PARN: variants seen among roughly 807,000 people sequenced by gnomAD.
The protein encoded by PARN is poly(A)-specific ribonuclease PARN.
In PARN, 71 loss-of-function variants were observed where a neutral mutation model predicts 102.8. The ratio of observed to expected loss-of-function variants is 0.69; its 90% confidence interval spans 0.57 to 0.84. PARN has a LOEUF of 0.84. Ranked by LOEUF, PARN falls within the 40% of genes least tolerant of loss-of-function variation. PARN has a pLI of 0.00. For synonymous variants in PARN, 261 were observed against 252.9 expected (o/e 1.03, Z -0.30); for missense variants, 782 against 760.9 (o/e 1.03, Z -0.33).
intron 6 of PARN, among the ~76,000 whole-genome samples, chr16:14,613,752 C>CA (rs970320868): frequency 6.6e-6 from 1 of 151,990 alleles, no homozygotes; most frequent in Admixed American, 6.6e-5. Context: ...AACTAACTGG[C>CA]AAAAAAAGTG....
chr16:14,471,642 T>C (rs542632563), intron 22 of PARN, among the ~76,000 whole-genome samples: 2 of 152,282 alleles, frequency 1.3e-5, no homozygotes, highest in East Asian at 1.9e-4. Flanking sequence ...CTGAATCACA[T>C]TAAACAACTC....
intron 5 of PARN, among the ~76,000 whole-genome samples, chr16:14,625,271 G>A (rs1314055160): frequency 1.3e-5 from 2 of 152,108 alleles, no homozygotes; most frequent in African/African-American, 4.8e-5. Context: ...GCCAAGCCGG[G>A]CAGATCACCT....
At chr16:14,451,833 A>T (rs1961459071) in intron 22 of PARN, among the ~76,000 whole-genome samples, 1 of 132,366 alleles carries the variant, frequency 7.6e-6, no homozygotes, top group Non-Finnish European at 1.6e-5. Context: ...ATGTGGAGAA[A>T]CCCCGTCTCT....
chr16:14,466,537 C>G (rs1025315459), intron 22 of PARN, among the ~76,000 whole-genome samples: 10 of 152,162 alleles, frequency 6.6e-5, no homozygotes, highest in Non-Finnish European at 7.3e-5. Context: ...GAGGATGGAC[C>G]AGATCACTTC....
chr16:14,611,427 T>C (rs1304573266), intron 6 of PARN, among the ~76,000 whole-genome samples: 1 of 152,188 alleles, frequency 6.6e-6, no homozygotes, highest in Non-Finnish European at 1.5e-5. Context: ...TTACCTTACC[T>C]GCATAATGTT....
intron 22 of PARN, among the ~76,000 whole-genome samples, chr16:14,461,547 G>A (rs1056918483): frequency 1.3e-5 from 2 of 152,240 alleles, no homozygotes; most frequent in East Asian, 1.9e-4. Context: ...TTGTGCTGGC[G>A]TTACTTCTTC....
At chr16:14,608,106 CA>C in intron 9 of PARN, 174 bp downstream of exon 9, 1 of 620,696 alleles carries the variant, frequency 1.6e-6, no homozygotes, top group Non-Finnish European at 2.9e-6. Flanking sequence ...TGTTAAAAAA[CA>C]ATAACAAAAG....
chr16:14,628,090 C>A (rs1297810987), intron 3 of PARN, 82 bp downstream of exon 3: 2 of 857,766 alleles, frequency 2.3e-6, no homozygotes, highest in African/African-American at 3.4e-5. Flanking sequence ...CCTTAATGCA[C>A]AAGTTTAGTA....
At chr16:14,549,522 T>C (rs941982920) in intron 21 of PARN, among the ~76,000 whole-genome samples, 2 of 152,176 alleles carry the variant, frequency 1.3e-5, no homozygotes, top group African/African-American at 4.8e-5. Flanking sequence ...CGGAATAAAA[T>C]ACTTAGCTTA....
intron 11 of PARN, 71 bp downstream of exon 11, chr16:14,604,075 A>T: frequency 3.3e-6 from 3 of 919,702 alleles, no homozygotes; most frequent in Non-Finnish European, 5.2e-6. Flanking sequence ...ATATGATCTG[A>T]AATAGACAGG....
chr16:14,454,307 C>G (rs937972249), intron 22 of PARN, among the ~76,000 whole-genome samples: 4 of 152,046 alleles, frequency 2.6e-5, no homozygotes, highest in Non-Finnish European at 5.9e-5. Flanking sequence ...ATGGTGAATC[C>G]CCACCTCTAA....
At chr16:14,569,941 T>G (rs1968684349) in intron 18 of PARN, among the ~76,000 whole-genome samples, 1 of 151,988 alleles carries the variant, frequency 6.6e-6, no homozygotes, top group Non-Finnish European at 1.5e-5. Context: ...TTTACCAAAT[T>G]AAAAAAAATT....
At chr16:14,568,214 CTTT>C (rs543071760) in intron 18 of PARN, among the ~76,000 whole-genome samples, 11 of 139,468 alleles carry the variant, frequency 7.9e-5, no homozygotes, top group South Asian at 2.3e-4. Context: ...TTATTTTTAC[CTTT>C]TTTTTTTTTT....
intron 22 of PARN, among the ~76,000 whole-genome samples, chr16:14,472,335 CTT>C (rs748963137): frequency 7.2e-5 from 11 of 152,142 alleles, no homozygotes; most frequent in African/African-American, 1.9e-4. Flanking sequence ...TTAAAATACT[CTT>C]TTGAGAACAG....
chr16:14,470,783 A>T (rs1962693681), intron 22 of PARN, among the ~76,000 whole-genome samples: 1 of 151,982 alleles, frequency 6.6e-6, no homozygotes, highest in Non-Finnish European at 1.5e-5. Context: ...TTTAAAAAAT[A>T]CATATAGATA....
intron 16 of PARN, 127 bp downstream of exon 16, chr16:14,584,220 G>T (rs1412598433): frequency 1.3e-5 from 8 of 631,420 alleles, no homozygotes; most frequent in Non-Finnish European, 2.0e-5. Flanking sequence ...CACGGTACGT[G>T]CAAGTGAATT....
At chr16:14,543,446 TAG>T (rs35472516) in intron 21 of PARN, among the ~76,000 whole-genome samples, 26,305 of 152,104 alleles carry the variant, frequency 0.17, 2,624 homozygotes, top group Middle Eastern at 0.28. Context: ...TTAAAATACA[TAG>T]AGAGTTTAAA....
intron 18 of PARN, among the ~76,000 whole-genome samples, chr16:14,563,512 G>A (rs398041985): frequency 7.7e-6 from 1 of 129,804 alleles, no homozygotes; most frequent in Admixed American, 8.2e-5. Flanking sequence ...GTGTGTGTGT[G>A]TGTGTGTGTG....
chr16:14,611,123 A>G (rs534497669), intron 6 of PARN, among the ~76,000 whole-genome samples: 1 of 152,230 alleles, frequency 6.6e-6, no homozygotes, highest in East Asian at 1.9e-4. Flanking sequence ...GAAAATCAGG[A>G]AAGTCAGGGA....
Sources: allele counts gnomAD v4.1 joint callset (sites outside exome capture counted in the v4.1 genomes callset), GRCh38; gene constraint gnomAD v4.1.1; transcripts MANE v1.5; gene names NCBI Gene and HGNC (gene_info 2026-07-23, HGNC 2026-07-21).